STAB2: variants seen among roughly 807,000 people sequenced by gnomAD.
STAB2 encodes stabilin 2, also known as stabilin-2.
Under a neutral mutation model 338.1 loss-of-function variants are expected in STAB2, and 288 were observed. That is an observed-to-expected ratio of 0.85 (90% CI 0.77 to 0.94). The LOEUF (loss-of-function observed/expected upper bound fraction) is 0.94, where lower values mean the gene tolerates loss of function less well. Among genes scored for constraint, STAB2 ranks in the 40% least tolerant of loss-of-function variants. The probability of loss-of-function intolerance (pLI) is 0.00; values close to 1 mark genes in which losing one functional copy is unlikely to be tolerated. For missense variants in STAB2, 3,141 were observed against 3,210.1 expected (o/e 0.98, Z 0.52); for synonymous variants, 1,202 against 1,193.3 (o/e 1.01, Z -0.15).
rs559932794 is a variant in STAB2, at chr12:103,704,878, T to C, written c.3900+264T>C. ...TTTATGCTCTACGTCTTTCATATCC[T>C]AGTAGCCAGTTGAGGACCGCAGCAA... is the stretch of plus-strand genomic sequence containing the variant. On this transcript the variant is annotated intron_variant, in intron 36 of 68. Coordinates refer to ENST00000388887, the MANE Select transcript of STAB2 (RefSeq NM_017564.10). 3.4e-4 allele frequency: 102 copies of C among 299,316 alleles called. 1 individual carries two copies. The highest frequency in any genetic ancestry group is 2.1e-3 in the African/African-American group (97 of 45,522). 18.5% of individuals were successfully genotyped at this position (299,316 alleles called of 1,614,324 possible).
intron 28 of STAB2, among the ~76,000 whole-genome samples, chr12:103,688,658 G>A (rs1212214800): frequency 6.6e-6 from 1 of 152,192 alleles, no homozygotes; most frequent in African/African-American, 2.4e-5. Flanking sequence ...CCTTAAAATA[G>A]ACACATGCCA....
At chr12:103,761,460 A>C (rs780373977) in intron 66 of STAB2, 50 bp downstream of exon 66, 7 of 1,517,652 alleles carry the variant, frequency 4.6e-6, no homozygotes, top group Non-Finnish European at 9.1e-7. Flanking sequence ...CCCGGTGCCC[A>C]CTCACCAACA....
At position 103,681,040 on chromosome 12, in the gene STAB2, A is replaced by G. The variant is rs534653643; in HGVS notation, c.2806-2165A>G. ...CCTATGTATAACGCTAAAGTGATAA[A>G]TGTTGTAAAAGCCACATAGGGTAAG... On this transcript the variant is annotated intron_variant, in intron 25 of 68. Transcript: ENST00000388887. Among the ~76,000 whole-genome samples, 55 of 152,312 alleles carry G rather than the reference A, an allele frequency of 3.6e-4. No individual in the cohort carries two copies. In the South Asian group the frequency reaches 5.2e-3, roughly 14 times the overall value.
chr12:103,761,370 A>C lies in STAB2; in HGVS notation c.7319A>C (p.His2440Pro). ...WDIFASNGII[H>P]VISRPLKAPP... Reference sequence around the variant, plus strand: ...ATCTTTGCCTCCAATGGGATCATTCATGTCATTTCCAGGCCTTTAAAAGCA... The same window carrying C: ...ATCTTTGCCTCCAATGGGATCATTCCTGTCATTTCCAGGCCTTTAAAAGCA... Residue 2440 changes from histidine (H) to proline (P), a missense_variant, in exon 66 of 69, where the codon CAT becomes CCT. Transcript: ENST00000388887. The C allele has an allele frequency of 6.2e-7, 1 of 1,613,916 alleles. No homozygotes were observed. Among genetic ancestry groups the C allele is most frequent in the Non-Finnish European group, 8.5e-7 (1 of 1,179,964 alleles).
chr12:103,590,453 A>G (rs958525467), intron 1 of STAB2, among the ~76,000 whole-genome samples: 7 of 152,230 alleles, frequency 4.6e-5, no homozygotes, highest in African/African-American at 9.6e-5. Context: ...CAGAGCAGAC[A>G]TTCCTGTGGA....
chr12:103,644,665 C>A (rs1228576999), intron 9 of STAB2, among the ~76,000 whole-genome samples: 1 of 152,146 alleles, frequency 6.6e-6, no homozygotes, highest in East Asian at 1.9e-4. Flanking sequence ...TGCAGCAATG[C>A]CTGTCACCAA....
At chr12:103,627,896 G>GT (rs1380514064) in intron 5 of STAB2, among the ~76,000 whole-genome samples, 18 of 152,338 alleles carry the variant, frequency 1.2e-4, no homozygotes, top group Admixed American at 2.6e-4. Flanking sequence ...CCACTACACT[G>GT]TGAGCTCCTG....
At chr12:103,664,952 G>A (rs1874947107) in intron 18 of STAB2, among the ~76,000 whole-genome samples, 1 of 152,184 alleles carries the variant, frequency 6.6e-6, no homozygotes, top group African/African-American at 2.4e-5. Flanking sequence ...CAAGGATTGG[G>A]CAGGTGCATC....
rs117872468 is a variant in STAB2, at chr12:103,698,344, T to C, written c.3583-752T>C. 5.2e-3 allele frequency among the ~76,000 whole-genome samples: 793 copies of C among 152,196 alleles called. 4 individuals carry two copies. The highest frequency in any genetic ancestry group is 0.01 in the Middle Eastern group (3 of 294). ...CCCTTTCTGATCTCACTAAATTCCA[T>C]TTTGGTTTCACTAGGTTTGAAGTAG... is the stretch of plus-strand genomic sequence containing the variant. On this transcript the variant is annotated intron_variant, in intron 33 of 68. Transcript: ENST00000388887.
intron 67 of STAB2, among the ~76,000 whole-genome samples, chr12:103,762,609 C>G (rs1269663604): frequency 1.3e-5 from 2 of 152,212 alleles, no homozygotes; most frequent in South Asian, 2.1e-4. Flanking sequence ...TGGTTCCAAG[C>G]CCCTCCTTCT....
At position 103,703,284 on chromosome 12, in the gene STAB2, C is replaced by T; in HGVS notation, c.3843+8C>T. 2 of 1,610,962 alleles carry T rather than the reference C, an allele frequency of 1.2e-6. No individual in the cohort carries two copies. The highest frequency in any genetic ancestry group is 1.7e-6 in the Non-Finnish European group (2 of 1,179,800). ...GACACTACTATTATACGAGTAAGTT[C>T]TATGGGCCAGAGCCAGTGATGGAAC... On this transcript the variant is annotated splice_region_variant and intron_variant, in intron 35 of 68. Transcript: ENST00000388887.
intron 3 of STAB2, among the ~76,000 whole-genome samples, chr12:103,618,453 C>T (rs1011146770): frequency 5.3e-5 from 8 of 152,184 alleles, no homozygotes; most frequent in Admixed American, 3.9e-4. Flanking sequence ...CAGTCTAAGA[C>T]ATTTTGTTAT....
chr12:103,727,533 G>A (rs1408457437), intron 47 of STAB2, among the ~76,000 whole-genome samples, 183 bp downstream of exon 47: 4 of 152,210 alleles, frequency 2.6e-5, no homozygotes, highest in Non-Finnish European at 5.9e-5. Flanking sequence ...ACATTCAGGT[G>A]GATTTGGGGT....
chr12:103,700,898 A>T (rs1309797993), intron 34 of STAB2, among the ~76,000 whole-genome samples: 4 of 151,946 alleles, frequency 2.6e-5, no homozygotes, highest in Non-Finnish European at 5.9e-5. Flanking sequence ...CACAATGTGC[A>T]GGTTAGTTAC....
chr12:103,620,654 C>CAT, intron 4 of STAB2, 101 bp downstream of exon 4: 5 of 929,390 alleles, frequency 5.4e-6, no homozygotes, highest in South Asian at 1.6e-5. Flanking sequence ...CACACACACA[C>CAT]GTGCACACAC....
Position 103,690,538 on chromosome 12 carries a change from G to A in STAB2, c.3297G>A (p.Gly1099=), listed in dbSNP as rs1426984724. ...TCCTTCACTTGGCAAAGGTGGATGG[G>A]GTAAGAGCTCTGGAATTTGTCTGTT... ...GNFLHLAKVD[G]NITIEGASIV... The change falls in exon 30 of 69, where the codon GGG becomes GGA. Residue 1099 remains glycine (G), a splice_region_variant and synonymous_variant. Coordinates refer to ENST00000388887, the MANE Select transcript of STAB2 (RefSeq NM_017564.10). 5 of 1,611,572 alleles carry A rather than the reference G, an allele frequency of 3.1e-6. No individual in the cohort carries two copies. The highest frequency in any genetic ancestry group is 1.7e-5 in the Admixed American group (1 of 59,460).
rs1275698509 is a variant in STAB2 at position 103,730,230 on chromosome 12, C to T, written c.5197C>T (p.Pro1733Ser). The T allele has an allele frequency of 3.7e-6, 6 of 1,613,632 alleles. No individual in the cohort carries two copies. The Admixed American group carries it at 1.0e-4, about 27-fold the overall frequency. Reference sequence around the variant, plus strand: ...ATCTCCCAAAAATTTGCTTATCACTCCCAAAGACAACTCTGGAAGAATTCT... The same window carrying T: ...ATCTCCCAAAAATTTGCTTATCACTTCCAAAGACAACTCTGGAAGAATTCT... ...LLSPKNLLITPKDNSGRILQN... is the reference protein window; with the variant it reads ...LLSPKNLLITSKDNSGRILQN... The change falls in exon 49 of 69, where the codon CCC (proline) becomes TCC (serine). Residue 1733 changes from proline (P) to serine (S), a missense_variant. By Grantham distance (74) the Pro-to-Ser change is moderately conservative. Transcript: ENST00000388887.
chr12:103,743,031 T>C (rs1211306763), intron 56 of STAB2, among the ~76,000 whole-genome samples: 5 of 150,706 alleles, frequency 3.3e-5, no homozygotes, highest in African/African-American at 1.2e-4. Flanking sequence ...TTCTTTTTTT[T>C]TTTTTTTTGA....
intron 25 of STAB2, among the ~76,000 whole-genome samples, chr12:103,682,764 A>G (rs954662179): frequency 3.9e-5 from 6 of 152,100 alleles, no homozygotes; most frequent in African/African-American, 1.2e-4. Context: ...CCTGACCAAC[A>G]TGGTGAAACC....
Sources: gnomAD v4.1 joint callset for allele counts (sites outside exome capture counted in the v4.1 genomes callset) on GRCh38, gnomAD v4.1.1 for gene constraint, MANE v1.5 for transcripts, NCBI Gene and HGNC (gene_info 2026-07-23, HGNC 2026-07-21) for gene names.